The following DOCK10 variants were observed in gnomAD, a reference collection of about 807,000 sequenced individuals.
DOCK10 encodes dedicator of cytokinesis protein 10.
Under a neutral mutation model 280.1 loss-of-function variants are expected in DOCK10, and 145 were observed. The observed-to-expected ratio is 0.52, with a 90% CI of 0.45 to 0.59. The LOEUF (loss-of-function observed/expected upper bound fraction) is 0.59. Ranked by LOEUF, DOCK10 falls within the 20% of genes least tolerant of loss-of-function variation. DOCK10 has a pLI of 0.00. For missense variants in DOCK10, 2,368 were observed against 2,651.7 expected (o/e 0.89, Z 2.35); for synonymous variants, 915 against 942.2 (o/e 0.97, Z 0.53).
chr2:224,900,701 A>C (rs533633891), intron 3 of DOCK10, among the ~76,000 whole-genome samples: 189 of 152,346 alleles, frequency 1.2e-3, no homozygotes, highest in Non-Finnish European at 1.8e-3. Flanking sequence ...TGCCTAAGTA[A>C]TACCACCTTC....
intron 14 of DOCK10, among the ~76,000 whole-genome samples, chr2:224,858,773 C>G (rs771748988): frequency 3.9e-5 from 6 of 152,122 alleles, no homozygotes; most frequent in Non-Finnish European, 8.8e-5. Flanking sequence ...GAGCAATGAT[C>G]AGTATATTGT....
In DOCK10 at chr2:224,831,688, T is replaced by C. The variant is rs573945781; in HGVS notation, c.2965-1076A>G. 6.6e-5 allele frequency among the ~76,000 whole-genome samples: 10 copies of C among 152,362 alleles called. No homozygotes were observed. The East Asian group carries it at 1.7e-3, about 26-fold the overall frequency. The stretch of plus-strand genomic sequence containing the variant: ...TTGCAGAGGTAGGGCCTTGTACGCC[T>C]GAGCTCTTTTGGAAACTGTCCAGCC... On this transcript the variant is annotated intron_variant, in intron 26 of 55. Coordinates refer to ENST00000258390, the MANE Select transcript of DOCK10 (RefSeq NM_014689.3).
At chr2:224,822,266 T>C (rs188358366) in intron 28 of DOCK10, among the ~76,000 whole-genome samples, 3 of 152,334 alleles carry the variant, frequency 2.0e-5, no homozygotes, top group East Asian at 1.9e-4. Context: ...ACTGTAATTA[T>C]GTATCTTAGT....
chr2:224,957,095 G>T (rs978521658), intron 1 of DOCK10, among the ~76,000 whole-genome samples: 2 of 152,134 alleles, frequency 1.3e-5, no homozygotes, highest in Non-Finnish European at 2.9e-5. Context: ...CCCTTGTATT[G>T]CAGGATGTTT....
chr2:224,899,419 AC>A (rs1392493069), intron 3 of DOCK10, among the ~76,000 whole-genome samples: 2 of 152,200 alleles, frequency 1.3e-5, no homozygotes, highest in Non-Finnish European at 2.9e-5. Context: ...ATAGCAGTTA[AC>A]AAAAAACAAA....
At chr2:224,979,080 C>A (rs183769939) in intron 1 of DOCK10, among the ~76,000 whole-genome samples, 1 of 152,170 alleles carries the variant, frequency 6.6e-6, no homozygotes, top group South Asian at 2.1e-4. Context: ...TCATTGCAAC[C>A]GCTTCCTAAT....
chr2:224,844,252 TCCCA>T (rs1696175605), intron 22 of DOCK10, among the ~76,000 whole-genome samples: 1 of 151,956 alleles, frequency 6.6e-6, no homozygotes, highest in Non-Finnish European at 1.5e-5. Context: ...TGCCTCAGCC[TCCCA>T]AGTGGCTGGG....
At chr2:224,779,756 A>C (rs1224250948) in intron 50 of DOCK10, among the ~76,000 whole-genome samples, 3 of 152,184 alleles carry the variant, frequency 2.0e-5, no homozygotes, top group African/African-American at 7.2e-5. Context: ...ATACATGTAA[A>C]TAGGATCATC....
At chr2:224,891,656 T>C (rs1699663891) in intron 4 of DOCK10, among the ~76,000 whole-genome samples, 1 of 152,054 alleles carries the variant, frequency 6.6e-6, no homozygotes, top group Admixed American at 6.6e-5. Context: ...ATAGCAAAAC[T>C]CAGAAGATAT....
In DOCK10 at chr2:224,778,293, C is replaced by A; in HGVS notation, c.5656-9G>T. The A allele has an allele frequency of 6.3e-7, 1 of 1,592,788 alleles. No individual in the cohort carries two copies. Among genetic ancestry groups the A allele is most frequent in the African/African-American group, 1.3e-5 (1 of 74,556 alleles). On this transcript the variant is annotated splice_polypyrimidine_tract_variant and intron_variant, in intron 50 of 55. Transcript: ENST00000258390. ...TCTTCTTCAAAAAAGCCCTATGGAACATAATGAACCACCAATTTTATTAGA... is the reference window on the plus strand; with the variant it reads ...TCTTCTTCAAAAAAGCCCTATGGAAAATAATGAACCACCAATTTTATTAGA...
intron 3 of DOCK10, 98 bp downstream of exon 3, chr2:224,916,597 T>A: frequency 1.2e-6 from 1 of 800,556 alleles, no homozygotes; most frequent in South Asian, 1.7e-5. Context: ...GAATTATCTA[T>A]TGAAAATGAC....
At chr2:224,852,617 T>C (rs1051388328) in intron 17 of DOCK10, among the ~76,000 whole-genome samples, 175 bp from the exon 18 acceptor site, 1 of 152,162 alleles carries the variant, frequency 6.6e-6, no homozygotes, top group Non-Finnish European at 1.5e-5. Context: ...GAGAGTGTAC[T>C]TAAAAGGGAA....
At position 224,770,447 on chromosome 2, in the gene DOCK10, C is replaced by A; in HGVS notation, c.6305+98G>T. On this transcript the variant is annotated intron_variant, in intron 54 of 55. Transcript: ENST00000258390. This position sits in a 1 kb window ranked among gnomAD's most constrained non-coding sequence, Gnocchi z 4.5. ...AGAGTCAGGCTGCTGATGGACTCTG[C>A]CACCTCAGTGAGTTTTGGTGTGATG... The A allele has an allele frequency of 5.1e-6, 8 of 1,554,446 alleles. No individual in the cohort carries two copies. The South Asian group carries it at 7.1e-5, about 14-fold the overall frequency.
intron 14 of DOCK10, chr2:224,861,617 A>G (rs1697502192): frequency 6.6e-6 from 1 of 152,224 alleles, no homozygotes; most frequent in African/African-American, 2.4e-5. Flanking sequence ...CTGAATATAC[A>G]TCACTGGGAA....
chr2:225,022,468 T>A (rs1180385222), intron 1 of DOCK10, among the ~76,000 whole-genome samples: 1 of 152,176 alleles, frequency 6.6e-6, no homozygotes, highest in East Asian at 1.9e-4. Flanking sequence ...ACCTTACCCG[T>A]AGCAACTCTG....
At chr2:224,814,436 G>A in intron 30 of DOCK10, 72 bp from the exon 31 acceptor site, 1 of 818,078 alleles carries the variant, frequency 1.2e-6, no homozygotes, top group Non-Finnish European at 1.8e-6. Flanking sequence ...TTCATTATGT[G>A]TAGTTTATAC....
chr2:224,865,884 CTCTT>C (rs374771489), intron 11 of DOCK10, among the ~76,000 whole-genome samples: 1 of 151,756 alleles, frequency 6.6e-6, no homozygotes, highest in African/African-American at 2.4e-5. Context: ...CTCTCTCTCT[CTCTT>C]ACACACATAC....
chr2:225,002,253 C>T (rs1191859752), intron 1 of DOCK10, among the ~76,000 whole-genome samples: 2 of 152,198 alleles, frequency 1.3e-5, no homozygotes, highest in Non-Finnish European at 2.9e-5. Context: ...CCCTGCTGTC[C>T]ATTGTGAGAA....
intron 1 of DOCK10, among the ~76,000 whole-genome samples, chr2:224,953,705 C>A (rs1190618235): frequency 3.9e-5 from 6 of 152,124 alleles, no homozygotes; most frequent in Non-Finnish European, 8.8e-5. Context: ...AAGGTAACTG[C>A]GGTTTTTGCG....
Sources: allele counts gnomAD v4.1 joint callset (sites outside exome capture counted in the v4.1 genomes callset), GRCh38; gene constraint gnomAD v4.1.1; non-coding constraint Gnocchi (gnomAD v3.1); transcripts MANE v1.5; gene names NCBI Gene and HGNC (gene_info 2026-07-23, HGNC 2026-07-21).